ALCAM: variants seen among roughly 807,000 people sequenced by gnomAD.
The protein encoded by ALCAM is CD166 antigen.
A neutral mutation model predicts 70.9 loss-of-function variants in ALCAM; 30 were observed. That is an observed-to-expected ratio of 0.42 (90% CI 0.32 to 0.57). ALCAM has a LOEUF of 0.57. Ranked by LOEUF, ALCAM falls within the 20% of genes least tolerant of loss-of-function variation. The pLI is 0.11. For missense variants in ALCAM, 591 were observed against 695.1 expected, an observed-to-expected ratio of 0.85 and a Z score of 1.68; for synonymous variants, 249 against 242.5, an observed-to-expected ratio of 1.03 and a Z score of -0.25.
Position 105,488,265 on chromosome 3 carries a change from C to T in ALCAM, c.74-31802C>T, listed in dbSNP as rs570776135. Reference sequence around the variant, plus strand: ...TTATACAGCCTGCAGAACTGTGAGCCAAATAAACCTCTTTTCTTTATAAAT... The same window carrying T: ...TTATACAGCCTGCAGAACTGTGAGCTAAATAAACCTCTTTTCTTTATAAAT... On this transcript the variant is annotated intron_variant, in intron 1 of 15. Transcript: ENST00000306107. 2.0e-5 allele frequency among the ~76,000 whole-genome samples: 3 copies of T among 152,164 alleles called. No homozygotes were observed. The South Asian group carries it at 6.2e-4, about 32-fold the overall frequency.
chr3:105,394,870 C>T (rs1037935914), intron 1 of ALCAM, among the ~76,000 whole-genome samples: 1 of 151,802 alleles, frequency 6.6e-6, no homozygotes, highest in Non-Finnish European at 1.5e-5. Flanking sequence ...CACAAATTGC[C>T]TTTGTTTTTT....
At position 105,392,110 on chromosome 3, in the gene ALCAM, T is replaced by C. The variant is rs572387320; in HGVS notation, c.73+24629T>C. 1.2e-3 allele frequency among the ~76,000 whole-genome samples: 186 copies of C among 152,162 alleles called. 5 individuals are homozygous for C. The highest frequency in any genetic ancestry group is 4.3e-3 in the African/African-American group (180 of 41,534). On this transcript the variant is annotated intron_variant, in intron 1 of 15. Coordinates refer to ENST00000306107, the MANE Select transcript of ALCAM (RefSeq NM_001627.4). Reference sequence around the variant, plus strand: ...AAAATGAGTTAGGAAGAAGTCCCTGTCTTTCAGTTTTTGGAATAGTTTCAG... The same window carrying C: ...AAAATGAGTTAGGAAGAAGTCCCTGCCTTTCAGTTTTTGGAATAGTTTCAG...
intron 1 of ALCAM, among the ~76,000 whole-genome samples, chr3:105,516,961 C>T (rs1939397400): frequency 6.6e-6 from 1 of 152,070 alleles, no homozygotes; most frequent in African/African-American, 2.4e-5. Context: ...GTAAGCTAAA[C>T]TCAATTTTTA....
At chr3:105,452,070 C>G (rs1937441876) in intron 1 of ALCAM, among the ~76,000 whole-genome samples, 1 of 151,666 alleles carries the variant, frequency 6.6e-6, no homozygotes, top group Non-Finnish European at 1.5e-5. Flanking sequence ...CTTCCAGTAT[C>G]TTAGTGAAAT....
chr3:105,440,297 G>A (rs1420757323), intron 1 of ALCAM, among the ~76,000 whole-genome samples: 1 of 152,214 alleles, frequency 6.6e-6, no homozygotes, highest in Non-Finnish European at 1.5e-5. Flanking sequence ...TGGCACTTGA[G>A]AAGAGATAAC....
chr3:105,453,129 T>C (rs1559796594), intron 1 of ALCAM, among the ~76,000 whole-genome samples: 1 of 152,182 alleles, frequency 6.6e-6, no homozygotes, highest in Non-Finnish European at 1.5e-5. Flanking sequence ...TTAGCATTTT[T>C]GTCATGAAGT....
intron 7 of ALCAM, among the ~76,000 whole-genome samples, 166 bp downstream of exon 7, chr3:105,540,268 T>G (rs150404737): frequency 6.6e-6 from 1 of 150,800 alleles, no homozygotes; most frequent in African/African-American, 2.4e-5. Context: ...GTTCTTGCCT[T>G]TTTTCTCAAT....
intron 1 of ALCAM, among the ~76,000 whole-genome samples, chr3:105,384,155 T>A (rs1447545349): frequency 6.6e-6 from 1 of 151,678 alleles, no homozygotes; most frequent in Non-Finnish European, 1.5e-5. Flanking sequence ...AACTTTAAAA[T>A]TCAGTCACTA....
intron 14 of ALCAM, chr3:105,553,265 T>G: frequency 3.5e-6 from 1 of 284,114 alleles, no homozygotes; most frequent in Non-Finnish European, 5.3e-6. Context: ...GCGAAGATTC[T>G]TAACATACAC....
intron 14 of ALCAM, among the ~76,000 whole-genome samples, chr3:105,567,379 A>G (rs1463009257): frequency 6.6e-6 from 1 of 151,566 alleles, no homozygotes; most frequent in Non-Finnish European, 1.5e-5. Context: ...CATGTATGTC[A>G]GCATATGTTA....
At chr3:105,535,823 C>T (rs1939955119) in intron 6 of ALCAM, among the ~76,000 whole-genome samples, 1 of 152,022 alleles carries the variant, frequency 6.6e-6, no homozygotes, top group South Asian at 2.1e-4. Context: ...AGCACTTCTA[C>T]ATCTATTTTA....
chr3:105,390,522 G>A (rs1935790559), intron 1 of ALCAM, among the ~76,000 whole-genome samples: 1 of 151,956 alleles, frequency 6.6e-6, no homozygotes, highest in African/African-American at 2.4e-5. Flanking sequence ...TGGATAGATT[G>A]CAAAAATTTT....
chr3:105,523,588 A>G (rs1188918035), intron 2 of ALCAM, among the ~76,000 whole-genome samples: 1 of 152,198 alleles, frequency 6.6e-6, no homozygotes, highest in Non-Finnish European at 1.5e-5. Flanking sequence ...AGAGGAAGAA[A>G]TGCGTTATAT....
intron 1 of ALCAM, among the ~76,000 whole-genome samples, chr3:105,368,666 C>A (rs777348257): frequency 6.6e-6 from 1 of 152,134 alleles, no homozygotes; most frequent in Non-Finnish European, 1.5e-5. Flanking sequence ...CTCTGAATCT[C>A]TCCCAGGAAC....
intron 6 of ALCAM, among the ~76,000 whole-genome samples, chr3:105,537,089 GA>G (rs952911645): frequency 6.6e-6 from 1 of 151,226 alleles, no homozygotes; most frequent in Non-Finnish European, 1.5e-5. Flanking sequence ...TCCATTTCAA[GA>G]AAAAAAAATT....
chr3:105,469,652 T>C (rs1937864010), intron 1 of ALCAM, among the ~76,000 whole-genome samples: 1 of 151,248 alleles, frequency 6.6e-6, no homozygotes, highest in South Asian at 2.1e-4. Context: ...TACATATTTA[T>C]TCCACAATTT....
In ALCAM at chr3:105,532,054, G is replaced by C. The variant is rs1373249026; in HGVS notation, c.447G>C (p.Glu149Asp). The C allele has an allele frequency of 6.2e-7, 1 of 1,613,242 alleles. No individual in the cohort carries two copies. The highest frequency in any genetic ancestry group is 2.2e-5 in the East Asian group (1 of 44,828). ...GCAAAGCACTGTTTCTCGAAACAGA[G>C]CAGCTAAAAAAGGTAAGAATTGTTT... is the stretch of plus-strand genomic sequence containing the variant. ...IVSKALFLET[E>D]QLKKLGDCIS... Residue 149 changes from glutamate (E) to aspartate (D), a missense_variant, in exon 4 of 16, where the codon GAG (glutamate) becomes GAC (aspartate). Around this residue, in one of 2 missense-constraint regions of ALCAM, gnomAD observed 427 missense variants for 450.4 expected, o/e 0.95. Transcript: ENST00000306107.
At chr3:105,485,433 G>A (rs1938399952) in intron 1 of ALCAM, among the ~76,000 whole-genome samples, 2 of 152,000 alleles carry the variant, frequency 1.3e-5, no homozygotes, top group South Asian at 4.1e-4. Context: ...GAGAGAAAGA[G>A]TCCACTGCAT....
chr3:105,498,798 T>C (rs1202070696), intron 1 of ALCAM, among the ~76,000 whole-genome samples: 1 of 152,192 alleles, frequency 6.6e-6, no homozygotes, highest in Non-Finnish European at 1.5e-5. Flanking sequence ...ACAATTAAGA[T>C]GATCCTGACT....
Sources: gnomAD v4.1 joint callset for allele counts (sites outside exome capture counted in the v4.1 genomes callset) on GRCh38, gnomAD v4.1.1 for gene constraint, gnomAD v4.1.1 regional missense constraint, MANE v1.5 for transcripts, NCBI Gene and HGNC (gene_info 2026-07-23, HGNC 2026-07-21) for gene names.